Variants in MFSD2B observed in about 807,000 individuals in gnomAD.
MFSD2B encodes the protein MFSD2 lysolipid transporter B, sphingolipid, also known as sphingosine-1-phosphate transporter MFSD2B.
A neutral mutation model predicts 58.4 loss-of-function variants in MFSD2B; 56 were observed. The ratio of observed to expected loss-of-function variants is 0.96; its 90% CI spans 0.77 to 1.20. The LOEUF (loss-of-function observed/expected upper bound fraction) is 1.20. Among genes scored for constraint, MFSD2B ranks in the 50% most tolerant of loss-of-function variants. The pLI, the probability that MFSD2B is intolerant of heterozygous loss-of-function variation, is 0.00. For synonymous variants in MFSD2B, 287 were observed against 294.4 expected (o/e 0.97, Z 0.26); for missense variants, 645 against 667.6 (o/e 0.97, Z 0.37).
chr2:24,011,158 G>A (rs1013593799), intron 1 of MFSD2B, among the ~76,000 whole-genome samples: 2 of 152,198 alleles, frequency 1.3e-5, no homozygotes, highest in African/African-American at 2.4e-5. Flanking sequence ...GCCCGGAGCC[G>A]CCCCTCCCAA....
rs753288832 is a variant in MFSD2B at position 24,024,356 on chromosome 2, G to C, written c.1490+85G>C. 1.5e-6 allele frequency: 2 copies of C among 1,374,794 alleles called. No homozygotes were observed. The highest frequency in any genetic ancestry group is 2.5e-5 in the East Asian group (1 of 40,014). 85.2% of individuals were successfully genotyped at this position (1,374,794 alleles called of 1,614,324 possible). A position where few individuals can be genotyped will look rare whatever the true frequency, so the allele number is the denominator to read the frequency against. On this transcript the variant is annotated intron_variant, in intron 13 of 13. Coordinates refer to ENST00000338315, the MANE Select transcript of MFSD2B (RefSeq NM_001346880.2). The surrounding 1 kb of genome is among the most constrained non-coding windows in gnomAD (Gnocchi z 4.3). Reference sequence around the variant, plus strand: ...CTAACACCAGCCTGCAGACATCCCTGCTGTGTCACACAGTCCTGCCTCTGG... The same window carrying C: ...CTAACACCAGCCTGCAGACATCCCTCCTGTGTCACACAGTCCTGCCTCTGG...
rs376746094 is a variant in MFSD2B, at chr2:24,024,256, G to A, written c.1475G>A (p.Arg492Gln). The change falls in exon 13 of 14, where the codon CGG becomes CAG. Residue 492 changes from arginine (R) to glutamine (Q), a missense_variant. Coordinates refer to ENST00000338315, the MANE Select transcript of MFSD2B (RefSeq NM_001346880.2). The surrounding 1 kb of genome is among the most constrained non-coding windows in gnomAD (Gnocchi z 4.3). ...ACACCCAGTCGGGACGCCTCCAGCC[G>A]GCTGAGCCTTCGGAGGTAAGCCCCG... ...PKTPSRDASS[R>Q]LSLRRRTSYS... The A allele has an allele frequency of 1.9e-5, 30 of 1,606,870 alleles. No individual in the cohort carries two copies. Among genetic ancestry groups the A allele is most frequent in the African/African-American group, 1.1e-4 (8 of 74,732 alleles).
chr2:24,013,838 C>CTT (rs758336674), intron 2 of MFSD2B, among the ~76,000 whole-genome samples: 59 of 110,624 alleles, frequency 5.3e-4, no homozygotes, highest in Non-Finnish European at 6.9e-4. Context: ...CAAGACGATT[C>CTT]TTTTTTTTTT....
chr2:24,016,190 G>C lies in MFSD2B; in HGVS notation c.257G>C (p.Gly86Ala), dbSNP rs990337802. 1.9e-6 allele frequency: 3 copies of C among 1,613,876 alleles called. No homozygotes were observed. The highest frequency in any genetic ancestry group is 1.7e-6 in the Non-Finnish European group (2 of 1,179,876). The stretch of plus-strand genomic sequence containing the variant: ...GCCCAGGTGTCACTTGTTCTGTTTG[G>C]GGGAAAAGTGTCTGGGGCGGCTGCT... ...PAAQVSLVLF[G>A]GKVSGAAADP... is the part of the protein sequence containing the mutation. Residue 86 changes from glycine (G) to alanine (A), a missense_variant, in exon 3 of 14, where the codon GGG (glycine) becomes GCG (alanine). By Grantham distance (60) the Gly-to-Ala change is moderately conservative. Transcript: ENST00000338315.
At chr2:24,016,527 A>G (rs1709151362) in intron 3 of MFSD2B, among the ~76,000 whole-genome samples, 1 of 152,174 alleles carries the variant, frequency 6.6e-6, no homozygotes, top group Non-Finnish European at 1.5e-5. Context: ...GGCCTGGGGC[A>G]CTGAGTGTGG....
chr2:24,016,853 G>C lies in MFSD2B; in HGVS notation c.356G>C (p.Gly119Ala). 1 of 1,613,422 alleles carries C rather than the reference G, an allele frequency of 6.2e-7. No individual in the cohort carries two copies. Among genetic ancestry groups the C allele is most frequent in the Non-Finnish European group, 8.5e-7 (1 of 1,179,842 alleles). The change falls in exon 4 of 14, where the codon GGC (glycine) becomes GCC (alanine). Residue 119 changes from glycine to alanine, a missense_variant. Physicochemically the swap from Gly to Ala is moderately conservative, Grantham distance 60. Transcript: ENST00000338315. ...CGGCTGTGCTTCCGCAGGGTGCTGG[G>C]CTGCACCCCCTTCATCGCCCTGGCC... is the stretch of plus-strand genomic sequence containing the variant. ...GSGRLMPWVL[G>A]CTPFIALAYF...
In MFSD2B at chr2:24,020,472, T is replaced by C. The variant is rs1053127773; in HGVS notation, c.682-1176T>C. Among the ~76,000 whole-genome samples the C allele has an allele frequency of 1.3e-5, 2 of 151,950 alleles. No homozygotes were observed. The highest frequency in any genetic ancestry group is 2.9e-5 in the Non-Finnish European group (2 of 67,976). On this transcript the variant is annotated intron_variant, in intron 6 of 13. Transcript: ENST00000338315. This position sits in a 1 kb window ranked among gnomAD's most constrained non-coding sequence, Gnocchi z 4.1. ...TCCTCCCCTCCCCAGAGGCAGCCTC[T>C]GTCCCGAACTGGCTGTGACTCTCGT...
In MFSD2B at chr2:24,025,608, C is replaced by A; in HGVS notation, c.*152C>A. On this transcript the variant is annotated 3_prime_UTR_variant, in exon 14 of 14. Coordinates refer to ENST00000338315, the MANE Select transcript of MFSD2B (RefSeq NM_001346880.2). ...TCTTCGGCAACGTGTCCTGAAGGGACTGGCCCGCACTCCAGGACCCCACTT... is the reference window on the plus strand; with the variant it reads ...TCTTCGGCAACGTGTCCTGAAGGGAATGGCCCGCACTCCAGGACCCCACTT... 1 of 681,490 alleles carries A rather than the reference C, an allele frequency of 1.5e-6. No homozygotes were observed. The highest frequency in any genetic ancestry group is 1.7e-5 in the South Asian group (1 of 57,276). The allele number at this position is 681,490 out of a possible 1,614,324, so 42.2% of individuals were successfully genotyped here. A position where few individuals can be genotyped will look rare whatever the true frequency, so the allele number is the denominator to read the frequency against.
Position 24,017,013 on chromosome 2 carries a change from T to G in MFSD2B, c.471+45T>G, listed in dbSNP as rs1212275396. On this transcript the variant is annotated intron_variant, in intron 4 of 13. Transcript: ENST00000338315. The surrounding 1 kb of genome is among the most constrained non-coding windows in gnomAD (Gnocchi z 4.8). ...GGGCCTGTGCTCTGGCGAAGCCCAT[T>G]GCTGGCCATGGCCACTCTGAAGTGT... 9.3e-6 allele frequency: 15 copies of G among 1,609,212 alleles called. No individual in the cohort carries two copies. The highest frequency in any genetic ancestry group is 1.3e-5 in the African/African-American group (1 of 74,940).
Position 24,023,547 on chromosome 2 carries a change from G to T in MFSD2B, c.1170-36G>T, listed in dbSNP as rs577243518. On this transcript the variant is annotated intron_variant, in intron 11 of 13. Coordinates refer to ENST00000338315, the MANE Select transcript of MFSD2B (RefSeq NM_001346880.2). This position sits in a 1 kb window ranked among gnomAD's most constrained non-coding sequence, Gnocchi z 5.0. ...GAATTCACAGGCTGCTGGTGGCCAA[G>T]GGGCTAGGAGGGCTAACTCCACACC... The T allele has an allele frequency of 3.2e-5, 51 of 1,595,810 alleles. No individual in the cohort carries two copies. In the East Asian group the frequency reaches 1.1e-3, roughly 35 times the overall value.
In MFSD2B at chr2:24,024,838, G is replaced by A. The variant is rs1164784239; in HGVS notation, c.1490+567G>A. On this transcript the variant is annotated intron_variant, in intron 13 of 13. Transcript: ENST00000338315. The surrounding 1 kb of genome is among the most constrained non-coding windows in gnomAD (Gnocchi z 4.3). Reference sequence around the variant, plus strand: ...GCTCTTCCCTCCCACGGGCAATACTGAGCAGGTCTCTGACCTGGTCCTTCC... The same window carrying A: ...GCTCTTCCCTCCCACGGGCAATACTAAGCAGGTCTCTGACCTGGTCCTTCC... 6.6e-6 allele frequency among the ~76,000 whole-genome samples: 1 copy of A among 152,106 alleles called. No individual in the cohort carries two copies. The highest frequency in any genetic ancestry group is 2.4e-5 in the African/African-American group (1 of 41,420).
chr2:24,023,835 G>C lies in MFSD2B; in HGVS notation c.1313+109G>C. On this transcript the variant is annotated intron_variant, in intron 12 of 13. Coordinates refer to ENST00000338315, the MANE Select transcript of MFSD2B (RefSeq NM_001346880.2). The surrounding 1 kb of genome is among the most constrained non-coding windows in gnomAD (Gnocchi z 5.0). The stretch of plus-strand genomic sequence containing the variant: ...GGGCATCCATGAGCCTGGGGCCTAA[G>C]CGCTACTCTTTGGAGAGTGTGGGGA... The C allele has an allele frequency of 7.4e-7, 1 of 1,353,164 alleles. No homozygotes were observed. The highest frequency in any genetic ancestry group is 2.3e-5 in the East Asian group (1 of 43,406). 83.8% of individuals were successfully genotyped at this position (1,353,164 alleles called of 1,614,324 possible).
At position 24,022,972 on chromosome 2, in the gene MFSD2B, T is replaced by C. The variant is rs1186930589; in HGVS notation, c.1059+70T>C. 3 of 1,471,420 alleles carry C rather than the reference T, an allele frequency of 2.0e-6. No homozygotes were observed. In the African/African-American group the frequency reaches 4.1e-5, roughly 20 times the overall value. 91.1% of individuals were successfully genotyped at this position (1,471,420 alleles called of 1,614,324 possible). A position where few individuals can be genotyped will look rare whatever the true frequency, so the allele number is the denominator to read the frequency against. On this transcript the variant is annotated intron_variant, in intron 10 of 13. Coordinates refer to ENST00000338315, the MANE Select transcript of MFSD2B (RefSeq NM_001346880.2). The surrounding 1 kb of genome is among the most constrained non-coding windows in gnomAD (Gnocchi z 4.5). ...AGGTGAGCGAGGTGACCTTGGTGCCTGAGCCTCCTGGGGCCAGCAGGGGTG... is the reference window on the plus strand; with the variant it reads ...AGGTGAGCGAGGTGACCTTGGTGCCCGAGCCTCCTGGGGCCAGCAGGGGTG...
In MFSD2B at chr2:24,021,140, C is replaced by T. The variant is rs1662766711; in HGVS notation, c.682-508C>T. Reference sequence around the variant, plus strand: ...CTGGAACTCCTGACCTCAAATGATCCACCCACCTTGGCCTCCCAAAGTGCT... The same window carrying T: ...CTGGAACTCCTGACCTCAAATGATCTACCCACCTTGGCCTCCCAAAGTGCT... On this transcript the variant is annotated intron_variant, in intron 6 of 13. Transcript: ENST00000338315. This position sits in a 1 kb window ranked among gnomAD's most constrained non-coding sequence, Gnocchi z 5.7. Among the ~76,000 whole-genome samples the T allele has an allele frequency of 6.6e-6, 1 of 152,086 alleles. No individual in the cohort carries two copies. The highest frequency in any genetic ancestry group is 6.6e-5 in the Admixed American group (1 of 15,262).
intron 1 of MFSD2B, among the ~76,000 whole-genome samples, chr2:24,011,603 C>A (rs903882133): frequency 1.3e-5 from 2 of 152,160 alleles, no homozygotes; most frequent in Non-Finnish European, 2.9e-5. Context: ...CCCCAGCAAA[C>A]GATGAGAAAA....
chr2:24,023,367 G>A lies in MFSD2B; in HGVS notation c.1169+128G>A, dbSNP rs980499895. 8.4e-6 allele frequency: 8 copies of A among 953,948 alleles called. No homozygotes were observed. Among genetic ancestry groups the A allele is most frequent in the Non-Finnish European group, 1.1e-5 (7 of 615,076 alleles). The allele number at this position is 953,948 out of a possible 1,614,324, so 59.1% of individuals were successfully genotyped here. On this transcript the variant is annotated intron_variant, in intron 11 of 13. Transcript: ENST00000338315. The surrounding 1 kb of genome is among the most constrained non-coding windows in gnomAD (Gnocchi z 5.0). ...GGAGGCCACCAGCTCCATCCTCAGA[G>A]CCCTCCTGAGAGGACATCAGGCAGT... is the stretch of plus-strand genomic sequence containing the variant.
Position 24,016,158 on chromosome 2 carries a change from C to G in MFSD2B, c.225C>G (p.Ile75Met). The G allele has an allele frequency of 6.2e-7, 1 of 1,613,422 alleles. No individual in the cohort carries two copies. The highest frequency in any genetic ancestry group is 1.1e-5 in the South Asian group (1 of 91,046). The part of the protein sequence containing the change: ...LQLFLLDIAQ[I>M]PAAQVSLVLF... ...ATCCCCTCCCCTGTCTGTTTCAGATCCCTGCCGCCCAGGTGTCACTTGTTC... is the reference window on the plus strand; with the variant it reads ...ATCCCCTCCCCTGTCTGTTTCAGATGCCTGCCGCCCAGGTGTCACTTGTTC... The change falls in exon 3 of 14, where the codon ATC becomes ATG. Residue 75 changes from isoleucine to methionine, a missense_variant and splice_region_variant. Ile to Met is a conservative substitution (Grantham distance 10, BLOSUM62 1). Transcript: ENST00000338315.
In MFSD2B at chr2:24,022,205, T is replaced by C. The variant is rs1420858594; in HGVS notation, c.895-228T>C. On this transcript the variant is annotated intron_variant, in intron 8 of 13. Coordinates refer to ENST00000338315, the MANE Select transcript of MFSD2B (RefSeq NM_001346880.2). This position sits in a 1 kb window ranked among gnomAD's most constrained non-coding sequence, Gnocchi z 4.5. The stretch of plus-strand genomic sequence containing the variant: ...CGGTTTCCTCTCACATTACCTGAAG[T>C]GTAGTCAAGTCCACCTGATCACAGC... 6.6e-6 allele frequency among the ~76,000 whole-genome samples: 1 copy of C among 151,890 alleles called. No individual in the cohort carries two copies. Among genetic ancestry groups the C allele is most frequent in the Non-Finnish European group, 1.5e-5 (1 of 67,984 alleles).
chr2:24,026,327 A>C lies in MFSD2B; in HGVS notation c.*871A>C, dbSNP rs1010821579. The C allele has an allele frequency of 1.3e-5, 2 of 152,224 alleles. No homozygotes were observed. The highest frequency in any genetic ancestry group is 1.9e-4 in the East Asian group (1 of 5,202). The allele number at this position is 152,224 out of a possible 1,614,324, so 9.4% of individuals were successfully genotyped here. On this transcript the variant is annotated 3_prime_UTR_variant, in exon 14 of 14. Coordinates refer to ENST00000338315, the MANE Select transcript of MFSD2B (RefSeq NM_001346880.2). ...GGTCTCTGCCCCAGGTTCCTGGCAC[A>C]GAGCTTCTAAAATGCTAGTAACTTC...
Sources: gnomAD v4.1 joint callset for allele counts (sites outside exome capture counted in the v4.1 genomes callset) on GRCh38, gnomAD v4.1.1 for gene constraint, Gnocchi (gnomAD v3.1) non-coding constraint, MANE v1.5 for transcripts, NCBI Gene and HGNC (gene_info 2026-07-23, HGNC 2026-07-21) for gene names.